PDZRN4: variants seen among roughly 807,000 people sequenced by gnomAD.
PDZRN4 encodes PDZ domain-containing RING finger protein 4.
PDZRN4 carries 70 observed loss-of-function variants against 99.0 expected under a neutral mutation model. The observed-to-expected ratio is 0.71, with a 90% confidence interval of 0.58 to 0.86. PDZRN4 has a LOEUF of 0.86. Ranked by LOEUF, PDZRN4 falls within the 40% of genes least tolerant of loss-of-function variation. PDZRN4 has a pLI of 0.00. For synonymous variants in PDZRN4, 551 were observed against 501.6 expected, an observed-to-expected ratio of 1.10 and a Z score of -1.32; for missense variants, 1,474 against 1,331.2, an observed-to-expected ratio of 1.11 and a Z score of -1.67.
intron 3 of PDZRN4, among the ~76,000 whole-genome samples, chr12:41,249,092 C>T (rs1446949822): frequency 6.6e-6 from 1 of 152,096 alleles, no homozygotes; most frequent in African/African-American, 2.4e-5. Flanking sequence ...GTTATACATG[C>T]ATATTCACAT....
At chr12:41,477,788 C>T (rs1432823547) in intron 3 of PDZRN4, 2 of 818,464 alleles carry the variant, frequency 2.4e-6, no homozygotes. Context: ...GAAAAGCCCA[C>T]AGGCGCCTTT....
At chr12:41,275,566 A>G (rs910025518) in intron 3 of PDZRN4, among the ~76,000 whole-genome samples, 7 of 152,138 alleles carry the variant, frequency 4.6e-5, no homozygotes, top group African/African-American at 1.7e-4. Context: ...TCTGCTCCAC[A>G]TCTTTACACA....
chr12:41,206,143 A>G (rs1215655366), intron 3 of PDZRN4, among the ~76,000 whole-genome samples: 1 of 151,972 alleles, frequency 6.6e-6, no homozygotes, highest in East Asian at 1.9e-4. Context: ...AGTGCTCTGA[A>G]CATTCTTGTT....
intron 3 of PDZRN4, among the ~76,000 whole-genome samples, chr12:41,364,403 T>C (rs191034914): frequency 7.2e-4 from 109 of 152,170 alleles, no homozygotes; most frequent in African/African-American, 2.4e-3. Context: ...ATGGATGAAG[T>C]GGGGTGACAG....
At chr12:41,245,917 T>G (rs924047962) in intron 3 of PDZRN4, among the ~76,000 whole-genome samples, 8 of 151,982 alleles carry the variant, frequency 5.3e-5, no homozygotes, top group African/African-American at 1.7e-4. Context: ...TCCAGTTGGG[T>G]GATAGAAGGT....
intron 3 of PDZRN4, among the ~76,000 whole-genome samples, chr12:41,397,349 C>A (rs1029182398): frequency 1.3e-5 from 2 of 152,256 alleles, no homozygotes; most frequent in African/African-American, 4.8e-5. Context: ...CAAAAATAGG[C>A]ACAACAAAGG....
intron 3 of PDZRN4, among the ~76,000 whole-genome samples, chr12:41,352,726 A>G (rs1405550): frequency 0.39 from 59,061 of 151,924 alleles, 11,586 homozygotes; most frequent in African/African-American, 0.42. Flanking sequence ...ACCAACTTCC[A>G]GGCTAAACAG....
rs938712761 is a variant in PDZRN4 at position 41,188,904 on chromosome 12, CGGGCGGCCGCT to C, written c.453_463del (p.Gly152ProfsTer66). The C allele has an allele frequency of 3.5e-5, 39 of 1,107,808 alleles. No homozygotes were observed. In the African/African-American group the frequency reaches 4.0e-4, roughly 11 times the overall value. 68.6% of individuals were successfully genotyped at this position (1,107,808 alleles called of 1,614,324 possible). A position where few individuals can be genotyped will look rare whatever the true frequency, so the allele number is the denominator to read the frequency against. On this transcript the variant is annotated frameshift_variant, in exon 1 of 10. Coordinates refer to ENST00000402685, the MANE Select transcript of PDZRN4 (RefSeq NM_001164595.2). LOFTEE classifies it high-confidence loss of function. ...GGCGGGGGCGCGCGCGGGGGGCCGC[CGGGCGGCCGCT>C]GGGGCCGCGGGCGGGGACCCGGGCC...
chr12:41,539,820 G>C (rs1339773769), intron 5 of PDZRN4, among the ~76,000 whole-genome samples: 2 of 152,084 alleles, frequency 1.3e-5, no homozygotes, highest in African/African-American at 4.8e-5. Flanking sequence ...ACATAGACAC[G>C]GGCATCTCCC....
At chr12:41,195,506 A>G (rs1950764972) in intron 3 of PDZRN4, among the ~76,000 whole-genome samples, 2 of 152,190 alleles carry the variant, frequency 1.3e-5, no homozygotes, top group African/African-American at 2.4e-5. Flanking sequence ...TGAAGAATAT[A>G]GAAGACCCAA....
chr12:41,328,005 A>G (rs2120986143), intron 3 of PDZRN4, among the ~76,000 whole-genome samples: 1 of 152,254 alleles, frequency 6.6e-6, no homozygotes, highest in South Asian at 2.1e-4. Context: ...AACTACACTA[A>G]TGAAGTCAAA....
intron 3 of PDZRN4, among the ~76,000 whole-genome samples, chr12:41,241,723 T>C (rs1456251155): frequency 6.6e-6 from 1 of 152,184 alleles, no homozygotes; most frequent in African/African-American, 2.4e-5. Context: ...TGACCTTGTG[T>C]TTCTTAAGAT....
At chr12:41,503,516 A>T (rs1224045150) in intron 3 of PDZRN4, among the ~76,000 whole-genome samples, 3 of 152,172 alleles carry the variant, frequency 2.0e-5, no homozygotes, top group Non-Finnish European at 2.9e-5. Context: ...CTTTTCAATG[A>T]TTTTTATATT....
intron 3 of PDZRN4, among the ~76,000 whole-genome samples, chr12:41,435,032 A>T (rs1159747088): frequency 6.6e-6 from 1 of 152,218 alleles, no homozygotes; most frequent in Non-Finnish European, 1.5e-5. Context: ...TCAGTTCTAT[A>T]GGATGAGTCC....
intron 3 of PDZRN4, among the ~76,000 whole-genome samples, chr12:41,342,195 A>G (rs1285730314): frequency 6.6e-6 from 1 of 151,966 alleles, no homozygotes; most frequent in East Asian, 1.9e-4. Context: ...TACAAAAATC[A>G]ACTCAAAATG....
chr12:41,410,780 C>A (rs554537876), intron 3 of PDZRN4, among the ~76,000 whole-genome samples: 1 of 152,068 alleles, frequency 6.6e-6, no homozygotes, highest in Non-Finnish European at 1.5e-5. Context: ...CATAACATGA[C>A]GAAATGCCTT....
chr12:41,547,549 C>A (rs1165051227), intron 5 of PDZRN4, among the ~76,000 whole-genome samples: 1 of 152,078 alleles, frequency 6.6e-6, no homozygotes, highest in African/African-American at 2.4e-5. Flanking sequence ...TCGCTTGAAC[C>A]TGGGAGTGGA....
intron 3 of PDZRN4, among the ~76,000 whole-genome samples, chr12:41,242,658 T>C (rs1247588209): frequency 6.6e-6 from 1 of 151,898 alleles, no homozygotes; most frequent in Non-Finnish European, 1.5e-5. Context: ...CACACAAAGT[T>C]GATTGGGATT....
At chr12:41,477,976 G>T in intron 3 of PDZRN4, 1 of 1,094,084 alleles carries the variant, frequency 9.1e-7, no homozygotes, top group South Asian at 1.3e-5. Flanking sequence ...ATCAGTGAGC[G>T]AATTAATCTA....
Sources: allele counts gnomAD v4.1 joint callset (sites outside exome capture counted in the v4.1 genomes callset), GRCh38; gene constraint gnomAD v4.1.1; transcripts MANE v1.5; gene names NCBI Gene and HGNC (gene_info 2026-07-23, HGNC 2026-07-21).